HUWE1: variants seen among roughly 807,000 people sequenced by gnomAD.
HUWE1 encodes the protein E3 ubiquitin-protein ligase HUWE1.
A neutral mutation model predicts 299.4 loss-of-function variants in HUWE1; 18 were observed. That is an observed-to-expected ratio of 0.06 (90% CI 0.04 to 0.09). The LOEUF (loss-of-function observed/expected upper bound fraction) is 0.09, where lower values mean the gene tolerates loss of function less well. HUWE1 is among the 10% of genes least tolerant of loss of function. The probability of loss-of-function intolerance (pLI) is 1.00; values close to 1 mark genes in which losing one functional copy is unlikely to be tolerated. For missense variants in HUWE1, 1,832 were observed against 3,462.3 expected (o/e 0.53, Z 11.82); for synonymous variants, 1,317 against 1,286.1 (o/e 1.02, Z -0.51).
chrX:53,580,448 A>G (rs2063561643), intron 43 of HUWE1, among the ~76,000 whole-genome samples: 1 of 112,556 alleles, frequency 8.9e-6, no homozygotes, highest in South Asian at 3.7e-4. Flanking sequence ...TACAGGTCAA[A>G]CATTTCTTGG....
intron 33 of HUWE1, among the ~76,000 whole-genome samples, chrX:53,592,083 G>T (rs1207254909): frequency 8.9e-6 from 1 of 111,934 alleles, no homozygotes; most frequent in Non-Finnish European, 1.9e-5. Context: ...AATAAATCTG[G>T]TTCACAATAT....
chrX:53,573,794 C>T lies in HUWE1; in HGVS notation c.6268G>A (p.Ala2090Thr), dbSNP rs1421931253. 11 of 1,209,318 alleles carry T rather than the reference C, an allele frequency of 9.1e-6. No homozygotes were observed. Among genetic ancestry groups the T allele is most frequent in the Non-Finnish European group, 1.2e-5 (11 of 894,243 alleles). Reference protein sequence around the residue: ...RSYVGIATLIANYSYTVGQSE... With the variant: ...RSYVGIATLITNYSYTVGQSE... ...TGGCCCACAGTGTAGCTGTAGTTGGCAATCAGGGTAGCAATACCAACATAG... is the reference window on the plus strand; with the variant it reads ...TGGCCCACAGTGTAGCTGTAGTTGGTAATCAGGGTAGCAATACCAACATAG... Residue 2090 changes from alanine (A) to threonine (T), a missense_variant, in exon 47 of 84, where the codon GCC becomes ACC. Transcript: ENST00000262854.
Position 53,627,585 on chromosome X carries a change from A to G in HUWE1, c.1384-70T>C. ...TATATTTTTTTTTTCAGGGATTAAA[A>G]ACTATTATAATGGAAAAACACTGCA... is the stretch of plus-strand genomic sequence containing the variant. On this transcript the variant is annotated intron_variant, in intron 16 of 83. Coordinates refer to ENST00000262854, the MANE Select transcript of HUWE1 (RefSeq NM_031407.7). 2.7e-6 allele frequency: 2 copies of G among 754,677 alleles called. 1 individual carries two copies. The highest frequency in any genetic ancestry group is 3.8e-6 in the Non-Finnish European group (2 of 533,079). The allele number at this position is 754,677 out of a possible 1,213,427, so 62.2% of individuals were successfully genotyped here. A position where few individuals can be genotyped will look rare whatever the true frequency, so the allele number is the denominator to read the frequency against.
chrX:53,630,906 G>T, intron 12 of HUWE1, 29 bp downstream of exon 12: 2 of 869,979 alleles, frequency 2.3e-6, no homozygotes, highest in Non-Finnish European at 3.4e-6. Context: ...GTCTAATACG[G>T]CCTGGTAATT....
Position 53,589,819 on chromosome X carries a change from G to A in HUWE1, c.4192-3C>T. 1 of 1,200,787 alleles carries A rather than the reference G, an allele frequency of 8.3e-7. No homozygotes were observed. The highest frequency in any genetic ancestry group is 1.1e-6 in the Non-Finnish European group (1 of 888,727). ...TCCTCCTTCCGGCAAGCAACTTCCT[G>A]GAAGCAGGGAAGGAAGTGTGAATAA... On this transcript the variant is annotated splice_region_variant and splice_polypyrimidine_tract_variant and intron_variant, in intron 35 of 83. Transcript: ENST00000262854.
At position 53,536,761 on chromosome X, in the gene HUWE1, G is replaced by C. The variant is rs1431900897; in HGVS notation, c.12138-94C>G. The C allele has an allele frequency of 2.7e-5, 21 of 772,758 alleles. No individual in the cohort carries two copies. The Admixed American group carries it at 3.6e-4, about 13-fold the overall frequency. 63.7% of individuals were successfully genotyped at this position (772,758 alleles called of 1,213,427 possible). A position where few individuals can be genotyped will look rare whatever the true frequency, so the allele number is the denominator to read the frequency against. On this transcript the variant is annotated intron_variant, in intron 78 of 83. Transcript: ENST00000262854. ...AGTGAGAGACTGTGAAGCAGTGTCTGGGGAGTGCAGTGTCAGATGAAGAGG... is the reference window on the plus strand; with the variant it reads ...AGTGAGAGACTGTGAAGCAGTGTCTCGGGAGTGCAGTGTCAGATGAAGAGG...
intron 3 of HUWE1, among the ~76,000 whole-genome samples, chrX:53,658,567 T>C (rs1227162099): frequency 1.8e-5 from 2 of 111,330 alleles, no homozygotes; most frequent in African/African-American, 6.5e-5. Flanking sequence ...ATAAATATTG[T>C]CAACCGATGA....
chrX:53,548,088 G>T lies in HUWE1; in HGVS notation c.10221C>A (p.Ser3407=), dbSNP rs781788404. Residue 3407 remains serine, a synonymous_variant, in exon 68 of 84, where the codon TCC becomes TCA. Transcript: ENST00000262854. ...NMNVSRKGKN[S]VKSVPVSAGG... ...CAGCGCTCACTGGCACTGACTTCAC[G>T]GAGTTCTTGCCTTTCCGGCTGACAT... 8.3e-7 allele frequency: 1 copy of T among 1,209,106 alleles called. No individual in the cohort carries two copies. The highest frequency in any genetic ancestry group is 3.0e-5 in the East Asian group (1 of 33,783).
At chrX:53,601,450 T>C (rs782236052) in intron 28 of HUWE1, among the ~76,000 whole-genome samples, 3 of 107,752 alleles carry the variant, frequency 2.8e-5, no homozygotes, top group Non-Finnish European at 5.8e-5. Context: ...TCCCAAAGTG[T>C]TGGGATTAGA....
intron 7 of HUWE1, among the ~76,000 whole-genome samples, chrX:53,635,513 T>C (rs955639325): frequency 9.0e-6 from 1 of 111,354 alleles, no homozygotes; most frequent in East Asian, 2.8e-4. Flanking sequence ...TGTAGGAGCC[T>C]TGCCATGTTG....
At position 53,629,431 on chromosome X, in the gene HUWE1, T is replaced by TC. The variant is rs782050731; in HGVS notation, c.963+84dup. On this transcript the variant is annotated intron_variant, in intron 13 of 83. Transcript: ENST00000262854. Reference sequence around the variant, plus strand: ...TCATTATGTATATGCAAATATCCCCTCCCCCCCCAAAAAAGTCTCAAATCC... The same window carrying TC: ...TCATTATGTATATGCAAATATCCCCTCCCCCCCCCAAAAAAGTCTCAAATCC... 688 of 593,976 alleles carry TC rather than the reference T, an allele frequency of 1.2e-3. 1 individual carries two copies. Among genetic ancestry groups the TC allele is most frequent in the South Asian group, 4.9e-3 (209 of 42,919 alleles). The allele number at this position is 593,976 out of a possible 1,213,427, so 49.0% of individuals were successfully genotyped here. A position where few individuals can be genotyped will look rare whatever the true frequency, so the allele number is the denominator to read the frequency against.
rs1317593312 is a variant in HUWE1 at position 53,539,647 on chromosome X, C to CACA, written c.11632+7_11632+9dup. On this transcript the variant is annotated intron_variant, in intron 75 of 83. Coordinates refer to ENST00000262854, the MANE Select transcript of HUWE1 (RefSeq NM_031407.7). ...TGGGTTGGGACCTGGGCCTTTAGGA[C>CACA]ACAACTCACCTAGCACCGCATGCTG... 2.5e-6 allele frequency: 3 copies of CACA among 1,209,304 alleles called. No homozygotes were observed. The African/African-American group carries it at 5.3e-5, about 21-fold the overall frequency.
chrX:53,562,037 CTG>C, intron 54 of HUWE1, 72 bp downstream of exon 54: 1 of 1,211,292 alleles, frequency 8.3e-7, no homozygotes, highest in Non-Finnish European at 1.1e-6. Context: ...GCAACCCAGA[CTG>C]TTGGTTTTCT....
At chrX:53,561,646 G>C (rs2062299696) in intron 55 of HUWE1, 110 bp downstream of exon 55, 1 of 1,095,595 alleles carries the variant, frequency 9.1e-7, no homozygotes, top group Admixed American at 2.4e-5. Flanking sequence ...AGTCAGCATA[G>C]GAAAAGAAGT....
intron 3 of HUWE1, among the ~76,000 whole-genome samples, chrX:53,662,124 T>C (rs1415542216): frequency 2.6e-4 from 29 of 109,787 alleles, no homozygotes; most frequent in African/African-American, 9.3e-4. Flanking sequence ...CACCTGGGAG[T>C]TATTAAAAGT....
At position 53,543,897 on chromosome X, in the gene HUWE1, T is replaced by TGGCATC; in HGVS notation, c.11317_11322dup (p.Asp3773_Ala3774dup). On this transcript the variant is annotated inframe_insertion, in exon 73 of 84. Coordinates refer to ENST00000262854, the MANE Select transcript of HUWE1 (RefSeq NM_031407.7). ...TGACCCTCACGTACCATTTGTATAA[T>TGGCATC]GGCATCAGCCTCAGCCTCCAGCTGC... The TGGCATC allele has an allele frequency of 8.3e-7, 1 of 1,210,770 alleles. No homozygotes were observed. Among genetic ancestry groups the TGGCATC allele is most frequent in the Non-Finnish European group, 1.1e-6 (1 of 894,854 alleles).
At chrX:53,552,057 G>GA (rs1247513579) in intron 63 of HUWE1, among the ~76,000 whole-genome samples, 2 of 111,824 alleles carry the variant, frequency 1.8e-5, no homozygotes, top group East Asian at 5.6e-4. Context: ...CATGATCACA[G>GA]AAATTAAATA....
chrX:53,679,212 G>C (rs1557052198), intron 3 of HUWE1, among the ~76,000 whole-genome samples: 1 of 110,449 alleles, frequency 9.1e-6, no homozygotes, highest in African/African-American at 3.3e-5. Context: ...GATTAAAATA[G>C]ATTTAACAGC....
At chrX:53,545,313 T>C (rs1211426134) in intron 70 of HUWE1, 152 bp from the exon 71 acceptor site, 5 of 551,535 alleles carry the variant, frequency 9.1e-6, no homozygotes, top group Admixed American at 2.8e-5. Flanking sequence ...GTTCAGCTTA[T>C]TATGCGTGTC....
Sources: gnomAD v4.1 joint callset for allele counts (sites outside exome capture counted in the v4.1 genomes callset) on GRCh38, gnomAD v4.1.1 for gene constraint, MANE v1.5 for transcripts, NCBI Gene and HGNC (gene_info 2026-07-23, HGNC 2026-07-21) for gene names.